Variants in DCUN1D4 observed in about 807,000 individuals in gnomAD.
DCUN1D4 encodes defective in cullin neddylation 1 domain containing 4.
A neutral mutation model predicts 47.9 loss-of-function variants in DCUN1D4; 22 were observed. That is an observed-to-expected ratio of 0.46 (90% CI 0.33 to 0.66). The LOEUF is 0.66. DCUN1D4 is among the 30% of genes least tolerant of loss of function. The pLI is 0.02. For synonymous variants in DCUN1D4, 121 were observed against 112.2 expected (o/e 1.08, Z -0.50); for missense variants, 301 against 340.8 (o/e 0.88, Z 0.92).
chr4:51,880,383 C>T (rs967782387), intron 5 of DCUN1D4, among the ~76,000 whole-genome samples: 2 of 152,204 alleles, frequency 1.3e-5, no homozygotes, highest in East Asian at 1.9e-4. Context: ...TAAATGCTGA[C>T]TCCCTGCCTT....
chr4:51,872,684 G>A (rs1398073885), intron 3 of DCUN1D4, among the ~76,000 whole-genome samples: 7 of 152,198 alleles, frequency 4.6e-5, no homozygotes, highest in Admixed American at 3.3e-4. Flanking sequence ...CATAGAAGTG[G>A]CAGCAAATGG....
intron 1 of DCUN1D4, among the ~76,000 whole-genome samples, chr4:51,858,576 C>T (rs953956847): frequency 6.6e-6 from 1 of 152,196 alleles, no homozygotes; most frequent in Non-Finnish European, 1.5e-5. Context: ...TGACCAGTTG[C>T]CCCTCTGTTT....
intron 3 of DCUN1D4, among the ~76,000 whole-genome samples, chr4:51,867,335 C>T (rs553817853): frequency 2.0e-5 from 3 of 152,334 alleles, no homozygotes; most frequent in South Asian, 2.1e-4. Context: ...CTCTCTTCAC[C>T]GCCCACAACG....
At chr4:51,896,988 G>A (rs975506137) in intron 7 of DCUN1D4, among the ~76,000 whole-genome samples, 1 of 152,140 alleles carries the variant, frequency 6.6e-6, no homozygotes, top group Non-Finnish European at 1.5e-5. Flanking sequence ...AGCGACAGTG[G>A]CTGTCTTTTA....
At chr4:51,835,127 A>G in the DCUN1D4 span, among the ~76,000 whole-genome samples, 1 of 152,214 alleles carries the variant, frequency 6.6e-6, no homozygotes, top group African/African-American at 2.4e-5. Context: ...TTGGGGATGC[A>G]GGTAGCGGGT....
rs1734232863 is a variant in DCUN1D4 at position 51,915,369 on chromosome 4, A to T, written c.*1785A>T. The T allele has an allele frequency of 6.6e-6, 1 of 152,570 alleles. No individual in the cohort carries two copies. The highest frequency in any genetic ancestry group is 2.4e-5 in the African/African-American group (1 of 41,446). The allele number at this position is 152,570 out of a possible 1,614,324, so 9.5% of individuals were successfully genotyped here. ...AACCCTGTAGTGATTAAGCATACTT[A>T]ACCACTCCTTATTTGTAGATTCACT... On this transcript the variant is annotated 3_prime_UTR_variant, in exon 11 of 11. Transcript: ENST00000334635.
chr4:51,837,568 T>C, the DCUN1D4 span, among the ~76,000 whole-genome samples: 1 of 135,528 alleles, frequency 7.4e-6, no homozygotes, highest in Admixed American at 9.0e-5. Context: ...GGCAGGAGAA[T>C]GGCGTGAACC....
At chr4:51,878,149 T>G (rs559363580) in intron 5 of DCUN1D4, among the ~76,000 whole-genome samples, 195 of 152,320 alleles carry the variant, frequency 1.3e-3, no homozygotes, top group African/African-American at 4.4e-3. Flanking sequence ...AATGGGTGAT[T>G]ATTTGGTCAA....
intron 1 of DCUN1D4, among the ~76,000 whole-genome samples, chr4:51,847,582 T>G (rs1449713998): frequency 6.6e-6 from 1 of 152,092 alleles, no homozygotes; most frequent in African/African-American, 2.4e-5. Flanking sequence ...CAGCCTTTCT[T>G]ACAGTGTTAT....
At chr4:51,875,728 C>T (rs1349984875) in intron 4 of DCUN1D4, among the ~76,000 whole-genome samples, 1 of 152,192 alleles carries the variant, frequency 6.6e-6, no homozygotes, top group East Asian at 1.9e-4. Context: ...GTCTTTGTGT[C>T]TCGCTTCTTT....
chr4:51,863,776 G>A, intron 3 of DCUN1D4, 67 bp downstream of exon 3: 1 of 1,471,296 alleles, frequency 6.8e-7, no homozygotes, highest in Non-Finnish European at 9.4e-7. Context: ...AGAAATACTA[G>A]CTATGAATGC....
the DCUN1D4 span, among the ~76,000 whole-genome samples, chr4:51,836,182 T>G: frequency 1.3e-5 from 2 of 152,178 alleles, no homozygotes; most frequent in Non-Finnish European, 2.9e-5. Flanking sequence ...ACTTGAATGT[T>G]TAATCTAGGA....
chr4:51,887,280 T>C, intron 6 of DCUN1D4: 1 of 335,566 alleles, frequency 3.0e-6, no homozygotes, highest in Non-Finnish European at 5.8e-6. Flanking sequence ...GTTTTTTGTA[T>C]TTTAGTAGAG....
chr4:51,848,074 C>T (rs761731092), intron 1 of DCUN1D4: 1 of 581,180 alleles, frequency 1.7e-6, no homozygotes, highest in East Asian at 7.0e-5. Flanking sequence ...ATTAATTCTT[C>T]CTGTTCCTGT....
At chr4:51,891,728 T>C in intron 6 of DCUN1D4, 32 bp from the exon 7 acceptor site, 1 of 1,340,204 alleles carries the variant, frequency 7.5e-7, no homozygotes, top group Non-Finnish European at 1.0e-6. Context: ...GTGTAATATA[T>C]TTTTTTTTAA....
At chr4:51,864,713 T>C (rs1725626942) in intron 3 of DCUN1D4, among the ~76,000 whole-genome samples, 1 of 152,188 alleles carries the variant, frequency 6.6e-6, no homozygotes, top group South Asian at 2.1e-4. Context: ...GGGCTCTACC[T>C]CCCTGACCTA....
At chr4:51,892,277 A>G (rs1019352575) in intron 7 of DCUN1D4, among the ~76,000 whole-genome samples, 10 of 152,252 alleles carry the variant, frequency 6.6e-5, no homozygotes, top group African/African-American at 2.2e-4. Flanking sequence ...TAAGAAATCA[A>G]TGAGATATTT....
At chr4:51,887,204 G>GATT (rs750476622) in intron 6 of DCUN1D4, 4 of 421,162 alleles carry the variant, frequency 9.5e-6, no homozygotes, top group Non-Finnish European at 1.9e-5. Flanking sequence ...GGGTTGAAGC[G>GATT]ATTTCCCCTG....
At position 51,910,975 on chromosome 4, in the gene DCUN1D4, T is replaced by C. The variant is rs527629583; in HGVS notation, c.616-95T>C. On this transcript the variant is annotated intron_variant, in intron 8 of 10. Transcript: ENST00000334635. ...TAAGGTGTATGATAAATGAGCTGTT[T>C]ACTAATTTCCTGTTGAAGTGAATAC... is the stretch of plus-strand genomic sequence containing the variant. The C allele has an allele frequency of 5.7e-6, 7 of 1,223,496 alleles. No individual in the cohort carries two copies. The African/African-American group carries it at 7.5e-5, about 13-fold the overall frequency. 75.8% of individuals were successfully genotyped at this position (1,223,496 alleles called of 1,614,324 possible).
Sources: gnomAD v4.1 joint callset for allele counts (sites outside exome capture counted in the v4.1 genomes callset) on GRCh38, gnomAD v4.1.1 for gene constraint, MANE v1.5 for transcripts, NCBI Gene and HGNC (gene_info 2026-07-23, HGNC 2026-07-21) for gene names.